Variants in LUC7L observed in about 807,000 individuals in gnomAD.
The protein encoded by LUC7L is putative RNA-binding protein Luc7-like 1.
In LUC7L, 29 loss-of-function variants were observed where a neutral mutation model predicts 51.1. That is an observed-to-expected ratio of 0.57 (90% CI 0.42 to 0.77). The LOEUF (loss-of-function observed/expected upper bound fraction) is 0.77. LUC7L is among the 30% of genes least tolerant of loss of function. The pLI is 0.00. For missense variants in LUC7L, 403 were observed against 511.9 expected (o/e 0.79, Z 2.05); for synonymous variants, 181 against 180.7 (o/e 1.00, Z -0.01).
intron 6 of LUC7L, among the ~76,000 whole-genome samples, chr16:198,694 G>T (rs1178203240): frequency 2.0e-5 from 3 of 147,688 alleles, no homozygotes; most frequent in South Asian, 2.2e-4. Flanking sequence ...AATGTTTTTT[G>T]TTTTTTTTTT....
At chr16:195,698 C>T (rs541823384) in intron 6 of LUC7L, among the ~76,000 whole-genome samples, 5 of 152,122 alleles carry the variant, frequency 3.3e-5, no homozygotes, top group Non-Finnish European at 5.9e-5. Context: ...ACTGGAATTA[C>T]AGGCGTGAGC....
chr16:203,728 T>TG (rs2049399342), intron 5 of LUC7L, among the ~76,000 whole-genome samples: 1 of 15,354 alleles, frequency 6.5e-5, no homozygotes, highest in Non-Finnish European at 1.3e-4. Flanking sequence ...GGGGTGGAGG[T>TG]GGGGAGGGCT....
At chr16:194,942 T>C (rs1327312344) in intron 6 of LUC7L, among the ~76,000 whole-genome samples, 1 of 152,096 alleles carries the variant, frequency 6.6e-6, no homozygotes, top group African/African-American at 2.4e-5. Context: ...ACGAGTCTTC[T>C]CCATCCAGAG....
At chr16:216,178 T>G (rs1237843719) in intron 3 of LUC7L, among the ~76,000 whole-genome samples, 1 of 151,526 alleles carries the variant, frequency 6.6e-6, no homozygotes, top group Non-Finnish European at 1.5e-5. Context: ...ATTTTCAATT[T>G]TTAATAGAGA....
chr16:214,201 G>C lies in LUC7L; in HGVS notation c.256-6013C>G, dbSNP rs554981745. 3.3e-5 allele frequency among the ~76,000 whole-genome samples: 5 copies of C among 152,174 alleles called. No individual in the cohort carries two copies. In the East Asian group the frequency reaches 9.7e-4, roughly 29 times the overall value. ...TCCTGCCTCAGCTTCCTGAGTAGCT[G>C]GGATTACAGGTGCGCACCACCACAC... On this transcript the variant is annotated intron_variant, in intron 3 of 9. Transcript: ENST00000293872.
At chr16:189,828 G>C in intron 9 of LUC7L, 140 bp downstream of exon 9, 1 of 1,448,430 alleles carries the variant, frequency 6.9e-7, no homozygotes, top group Non-Finnish European at 9.1e-7. Context: ...CCACACCTGA[G>C]TCCCGTTCAC....
intron 5 of LUC7L, among the ~76,000 whole-genome samples, chr16:202,880 G>C (rs950470757): frequency 2.6e-5 from 4 of 152,224 alleles, no homozygotes; most frequent in Admixed American, 1.3e-4. Flanking sequence ...AGGAGCAGTG[G>C]CTCACGCCTG....
At chr16:206,221 T>C (rs533710126) in intron 4 of LUC7L, 74 bp from the exon 5 acceptor site, 7 of 1,425,788 alleles carry the variant, frequency 4.9e-6, no homozygotes, top group South Asian at 1.2e-5. Context: ...GGGTTTCTCC[T>C]GCTCCATTTC....
chr16:225,201 G>A (rs527963699), intron 2 of LUC7L, among the ~76,000 whole-genome samples: 1 of 152,028 alleles, frequency 6.6e-6, no homozygotes. Flanking sequence ...AGAAAACACA[G>A]TTCTGGCCGG....
chr16:217,584 G>A (rs2049840298), intron 3 of LUC7L, among the ~76,000 whole-genome samples: 1 of 151,662 alleles, frequency 6.6e-6, no homozygotes, highest in Non-Finnish European at 1.5e-5. Flanking sequence ...ATGTGCACCT[G>A]TAATCCCAGC....
intron 5 of LUC7L, among the ~76,000 whole-genome samples, chr16:201,787 A>G (rs1596621584): frequency 8.3e-6 from 1 of 120,470 alleles, no homozygotes; most frequent in South Asian, 2.5e-4. Context: ...TCTGTCACCC[A>G]TATTGGAGTG....
intron 6 of LUC7L, among the ~76,000 whole-genome samples, chr16:196,976 C>T (rs1346973562): frequency 5.1e-5 from 7 of 136,984 alleles, no homozygotes; most frequent in Admixed American, 3.3e-4. Flanking sequence ...GGTGCAATTT[C>T]GGCTCAGTGC....
intron 5 of LUC7L, among the ~76,000 whole-genome samples, chr16:203,172 A>G (rs943353897): frequency 2.0e-5 from 3 of 152,124 alleles, no homozygotes; most frequent in Non-Finnish European, 2.9e-5. Flanking sequence ...TAATGTTGAA[A>G]GACACAATCT....
At chr16:216,861 ACT>A (rs767934291) in intron 3 of LUC7L, among the ~76,000 whole-genome samples, 24 of 151,036 alleles carry the variant, frequency 1.6e-4, no homozygotes, top group Non-Finnish European at 2.8e-4. Context: ...CGCCTGGCTA[ACT>A]CTGGCATTTT....
intron 2 of LUC7L, among the ~76,000 whole-genome samples, chr16:223,663 ACT>A (rs1482218064): frequency 6.1e-5 from 9 of 147,714 alleles, no homozygotes; most frequent in Admixed American, 3.4e-4. Flanking sequence ...TACCTCATTC[ACT>A]CTGTTTTTTC....
chr16:214,227 C>T (rs184698365), intron 3 of LUC7L, among the ~76,000 whole-genome samples: 1 of 152,004 alleles, frequency 6.6e-6, no homozygotes, highest in East Asian at 1.9e-4. Flanking sequence ...ACCACCACAC[C>T]CAGCTAATTT....
chr16:197,110 G>T (rs2049172293), intron 6 of LUC7L, among the ~76,000 whole-genome samples: 1 of 148,754 alleles, frequency 6.7e-6, no homozygotes, highest in Admixed American at 6.8e-5. Flanking sequence ...GTTTCACCTT[G>T]TTAGCCAGGA....
intron 5 of LUC7L, among the ~76,000 whole-genome samples, chr16:199,985 T>C (rs1461058381): frequency 7.9e-6 from 1 of 127,336 alleles, no homozygotes; most frequent in Non-Finnish European, 1.9e-5. Flanking sequence ...CGAGACTCCA[T>C]CTTAAAAAAA....
At chr16:204,748 C>T (rs2049434495) in intron 5 of LUC7L, among the ~76,000 whole-genome samples, 1 of 152,170 alleles carries the variant, frequency 6.6e-6, no homozygotes, top group Admixed American at 6.6e-5. Context: ...AGACCTCAAT[C>T]TAATGTATAC....
Sources: gnomAD v4.1 joint callset for allele counts (sites outside exome capture counted in the v4.1 genomes callset) on GRCh38, gnomAD v4.1.1 for gene constraint, MANE v1.5 for transcripts, NCBI Gene and HGNC (gene_info 2026-07-23, HGNC 2026-07-21) for gene names.